Variants in DGKB observed in about 807,000 individuals in gnomAD.
DGKB encodes 90 kDa diacylglycerol kinase.
In DGKB, 67 loss-of-function variants were observed where a neutral mutation model predicts 114.3. The ratio of observed to expected loss-of-function variants is 0.59; its 90% CI spans 0.48 to 0.72. The LOEUF (loss-of-function observed/expected upper bound fraction) is 0.72. Among genes scored for constraint, DGKB ranks in the 30% least tolerant of loss-of-function variants. The pLI, the probability that DGKB is intolerant of heterozygous loss-of-function variation, is 0.00. For synonymous variants in DGKB, 398 were observed against 323.1 expected, an observed-to-expected ratio of 1.23 and a Z score of -2.49; for missense variants, 907 against 975.2, an observed-to-expected ratio of 0.93 and a Z score of 0.93.
Position 14,450,799 on chromosome 7 carries a change from C to CT in DGKB, c.1835+27361dup, listed in dbSNP as rs376170334. On this transcript the variant is annotated intron_variant, in intron 21 of 25. Transcript: ENST00000402815. ...AAAGTCCTCGCCAAGTCACATAGACCTTATTAGGTTGGAGGAAAAAAGCAC... is the reference window on the plus strand; with the variant it reads ...AAAGTCCTCGCCAAGTCACATAGACCTTTATTAGGTTGGAGGAAAAAAGCAC... Among the ~76,000 whole-genome samples, 156 of 152,008 alleles carry CT rather than the reference C, an allele frequency of 1.0e-3. 2 individuals are homozygous for CT. The highest frequency in any genetic ancestry group is 2.3e-3 in the South Asian group (11 of 4,814).
chr7:14,573,955 T>C (rs997373621), intron 20 of DGKB, among the ~76,000 whole-genome samples: 4 of 152,040 alleles, frequency 2.6e-5, no homozygotes, highest in Admixed American at 1.3e-4. Context: ...ATAAACCAAT[T>C]ACAAAGAATA....
intron 5 of DGKB, among the ~76,000 whole-genome samples, chr7:14,731,388 T>C (rs562220156): frequency 1.3e-5 from 2 of 152,230 alleles, no homozygotes; most frequent in East Asian, 1.9e-4. Context: ...CAATTTGTTA[T>C]ATGATGCAAA....
intron 20 of DGKB, among the ~76,000 whole-genome samples, chr7:14,485,621 G>A (rs554347691): frequency 4.6e-5 from 7 of 151,878 alleles, no homozygotes; most frequent in Non-Finnish European, 8.8e-5. Context: ...ACACCTGGCC[G>A]GGTGCGGTGG....
chr7:14,313,615 T>G (rs1025730404), intron 23 of DGKB, among the ~76,000 whole-genome samples: 6 of 152,222 alleles, frequency 3.9e-5, no homozygotes, highest in Admixed American at 3.9e-4. Flanking sequence ...TATCCGCACC[T>G]GGCTCGGAGG....
chr7:14,786,313 A>C (rs575083545), intron 2 of DGKB, among the ~76,000 whole-genome samples: 2 of 152,330 alleles, frequency 1.3e-5, no homozygotes, highest in East Asian at 3.9e-4. Flanking sequence ...TATTTTACCA[A>C]TCAGGTTGTA....
intron 23 of DGKB, among the ~76,000 whole-genome samples, chr7:14,235,307 A>C (rs1212174447): frequency 1.3e-5 from 2 of 152,106 alleles, no homozygotes; most frequent in Non-Finnish European, 2.9e-5. Context: ...GGAAAAGGAA[A>C]AATACAAGAA....
chr7:14,314,187 C>A (rs1451012045), intron 23 of DGKB, among the ~76,000 whole-genome samples: 1 of 152,098 alleles, frequency 6.6e-6, no homozygotes, highest in Non-Finnish European at 1.5e-5. Flanking sequence ...GGGGAAAAAA[C>A]AGAACAGAAA....
intron 23 of DGKB, among the ~76,000 whole-genome samples, chr7:14,248,679 T>A (rs763335744): frequency 7.2e-5 from 11 of 152,110 alleles, no homozygotes; most frequent in Non-Finnish European, 1.5e-4. Context: ...TGCAACTAAC[T>A]TTTGTGTGTT....
chr7:14,961,234 A>G (rs868579275), intron 1 of DGKB, among the ~76,000 whole-genome samples: 12 of 152,090 alleles, frequency 7.9e-5, no homozygotes, highest in South Asian at 2.1e-4. Flanking sequence ...GTGTGCATGA[A>G]GCTTAGCTTT....
chr7:14,430,145 G>A lies in DGKB; in HGVS notation c.1835+48016C>T, dbSNP rs191592911. On this transcript the variant is annotated intron_variant, in intron 21 of 25. Coordinates refer to ENST00000402815, the MANE Select transcript of DGKB (RefSeq NM_001350709.2). ...TGTGGCCCGTTTTGGGTCCTAGCAA[G>A]TGGCTGATGGCTTCCTTGCACTTTC... Among the ~76,000 whole-genome samples the A allele has an allele frequency of 2.1e-3, 314 of 152,254 alleles. 3 individuals carry two copies. Among genetic ancestry groups the A allele is most frequent in the Non-Finnish European group, 1.8e-3 (122 of 68,014 alleles).
chr7:14,207,666 T>C (rs1334538338), intron 23 of DGKB, among the ~76,000 whole-genome samples: 1 of 151,990 alleles, frequency 6.6e-6, no homozygotes, highest in Non-Finnish European at 1.5e-5. Context: ...CAAATGAGAG[T>C]GGATTCTGTG....
chr7:14,673,904 T>C (rs1297827538), intron 12 of DGKB, among the ~76,000 whole-genome samples: 3 of 152,140 alleles, frequency 2.0e-5, no homozygotes, highest in Admixed American at 6.6e-5. Flanking sequence ...TAAGATAACA[T>C]GTTATGTTCA....
chr7:14,753,886 A>G (rs1289325983), intron 4 of DGKB, 42 bp downstream of exon 4: 1 of 1,221,526 alleles, frequency 8.2e-7, no homozygotes, highest in Non-Finnish European at 1.2e-6. Flanking sequence ...ATCAGAATAA[A>G]GAAAGAAAAG....
intron 2 of DGKB, among the ~76,000 whole-genome samples, chr7:14,829,955 G>C (rs1434310948): frequency 6.6e-6 from 1 of 151,990 alleles, no homozygotes; most frequent in African/African-American, 2.4e-5. Flanking sequence ...GAAGGCACTG[G>C]ATATCATCTG....
intron 23 of DGKB, among the ~76,000 whole-genome samples, chr7:14,241,919 T>C (rs201363834): frequency 2.2e-4 from 33 of 150,878 alleles, no homozygotes; most frequent in South Asian, 4.2e-4. Context: ...TCAAGATATA[T>C]ACACACACAC....
chr7:14,486,206 G>A (rs1783782153), intron 20 of DGKB, among the ~76,000 whole-genome samples: 1 of 152,186 alleles, frequency 6.6e-6, no homozygotes, highest in Non-Finnish European at 1.5e-5. Flanking sequence ...TCCCATTCAG[G>A]AAGGGCCCCT....
At chr7:14,536,852 A>G (rs1470501021) in intron 20 of DGKB, among the ~76,000 whole-genome samples, 1 of 148,808 alleles carries the variant, frequency 6.7e-6, no homozygotes, top group Non-Finnish European at 1.5e-5. Context: ...AAAAAACAAC[A>G]ACAAGGCATC....
At chr7:14,634,519 T>TACAC (rs1810372659) in intron 13 of DGKB, among the ~76,000 whole-genome samples, 1 of 115,408 alleles carries the variant, frequency 8.7e-6, no homozygotes, top group Non-Finnish European at 2.0e-5. Context: ...CACACACACT[T>TACAC]GTTTTGCCTG....
At chr7:14,831,504 A>T (rs1372245709) in intron 2 of DGKB, among the ~76,000 whole-genome samples, 1 of 152,006 alleles carries the variant, frequency 6.6e-6, no homozygotes, top group Non-Finnish European at 1.5e-5. Context: ...AAAGACTCAG[A>T]TTCCCTAAAT....
Sources: gnomAD v4.1 joint callset for allele counts (sites outside exome capture counted in the v4.1 genomes callset) on GRCh38, gnomAD v4.1.1 for gene constraint, MANE v1.5 for transcripts, NCBI Gene and HGNC (gene_info 2026-07-23, HGNC 2026-07-21) for gene names.